The following CACNB2 variants were observed in gnomAD, a reference collection of about 807,000 sequenced individuals.
CACNB2 encodes voltage-dependent L-type calcium channel subunit beta-2.
CACNB2 carries 42 observed loss-of-function variants against 73.3 expected under a neutral mutation model. The observed-to-expected ratio is 0.57, with a 90% CI of 0.45 to 0.74. The LOEUF is 0.74. Among genes scored for constraint, CACNB2 ranks in the 30% least tolerant of loss-of-function variants. The pLI, the probability that CACNB2 is intolerant of heterozygous loss-of-function variation, is 0.00. For synonymous variants in CACNB2, 348 were observed against 310.3 expected (o/e 1.12, Z -1.28); for missense variants, 940 against 853.0 (o/e 1.10, Z -1.27).
chr10:18,358,760 G>C (rs916554521), intron 2 of CACNB2, among the ~76,000 whole-genome samples: 5 of 152,154 alleles, frequency 3.3e-5, no homozygotes, highest in African/African-American at 9.7e-5. Context: ...TGACAAAGAA[G>C]TGTGAATTGC....
intron 1 of CACNB2, chr10:18,141,292 A>G (rs2030373109): frequency 2.4e-6 from 3 of 1,268,296 alleles, no homozygotes; most frequent in Non-Finnish European, 3.4e-6. Context: ...CCACGCTCCG[A>G]GCCGGGGTGG....
chr10:18,185,788 G>T (rs933325276), intron 2 of CACNB2, among the ~76,000 whole-genome samples: 5 of 151,950 alleles, frequency 3.3e-5, no homozygotes, highest in Non-Finnish European at 5.9e-5. Flanking sequence ...TATTTATTCT[G>T]TGCCTACCAT....
intron 2 of CACNB2, among the ~76,000 whole-genome samples, chr10:18,279,791 A>T (rs775126428): frequency 2.6e-5 from 4 of 152,198 alleles, no homozygotes; most frequent in African/African-American, 9.6e-5. Context: ...ACAATTTTCC[A>T]CCCGAGAGCT....
chr10:18,500,271 A>G (rs555293809), intron 4 of CACNB2, among the ~76,000 whole-genome samples: 1 of 152,356 alleles, frequency 6.6e-6, no homozygotes, highest in East Asian at 1.9e-4. Flanking sequence ...TTTAAGATAC[A>G]TATTCCACCT....
chr10:18,185,231 A>G (rs2034095221), intron 2 of CACNB2, among the ~76,000 whole-genome samples: 1 of 152,218 alleles, frequency 6.6e-6, no homozygotes. Flanking sequence ...AAAAATTGAG[A>G]TATCATTCAT....
intron 2 of CACNB2, among the ~76,000 whole-genome samples, chr10:18,285,501 A>G (rs1049536500): frequency 6.6e-6 from 1 of 152,336 alleles, no homozygotes. Context: ...ATATCCAGCT[A>G]AGGCTTGAAT....
intron 2 of CACNB2, among the ~76,000 whole-genome samples, chr10:18,275,935 T>A (rs536094617): frequency 6.6e-6 from 1 of 152,360 alleles, no homozygotes; most frequent in Admixed American, 6.5e-5. Flanking sequence ...AATACGTTAC[T>A]TAATTGCCAC....
chr10:18,164,002 A>T (rs939520535), intron 2 of CACNB2, among the ~76,000 whole-genome samples: 1 of 152,134 alleles, frequency 6.6e-6, no homozygotes, highest in Non-Finnish European at 1.5e-5. Context: ...CTCTTCAGAG[A>T]TGTTTTGAGG....
chr10:18,519,073 A>G (rs943076987), intron 9 of CACNB2, 105 bp downstream of exon 9: 15 of 888,194 alleles, frequency 1.7e-5, no homozygotes, highest in East Asian at 9.8e-5. Context: ...TCTGATGTCT[A>G]TATGATGACA....
At chr10:18,159,374 G>A (rs2032290180) in intron 2 of CACNB2, among the ~76,000 whole-genome samples, 1 of 152,168 alleles carries the variant, frequency 6.6e-6, no homozygotes, top group Non-Finnish European at 1.5e-5. Context: ...AACTGTTTTT[G>A]GGATTTTCAA....
At chr10:18,220,552 G>A (rs932290183) in intron 2 of CACNB2, among the ~76,000 whole-genome samples, 2 of 151,760 alleles carry the variant, frequency 1.3e-5, no homozygotes, top group African/African-American at 2.4e-5. Flanking sequence ...GTGAGCCACC[G>A]CACCCAGCCT....
In CACNB2 at chr10:18,212,251, C is replaced by T. The variant is rs184080593; in HGVS notation, c.213+61276C>T. 1.8e-3 allele frequency among the ~76,000 whole-genome samples: 269 copies of T among 152,312 alleles called. 1 individual carries two copies. The highest frequency in any genetic ancestry group is 6.2e-3 in the African/African-American group (258 of 41,590). ...CATCTCAACCAGCAGCATCTGAGTT[C>T]TCATTCCCCCACATTTTATGAACTC... is the stretch of plus-strand genomic sequence containing the variant. On this transcript the variant is annotated intron_variant, in intron 2 of 13. Transcript: ENST00000324631.
chr10:18,490,840 G>A (rs551306005), intron 3 of CACNB2, among the ~76,000 whole-genome samples: 232 of 147,112 alleles, frequency 1.6e-3, no homozygotes, highest in African/African-American at 5.6e-3. Context: ...TGATAAACCC[G>A]GGCCGGTGGG....
At chr10:18,369,287 A>T (rs2042479931) in intron 2 of CACNB2, among the ~76,000 whole-genome samples, 1 of 152,190 alleles carries the variant, frequency 6.6e-6, no homozygotes, top group Non-Finnish European at 1.5e-5. Context: ...CCCGTGAATC[A>T]AATATTGTTT....
At chr10:18,349,036 C>CT (rs1210587824) in intron 2 of CACNB2, among the ~76,000 whole-genome samples, 2 of 152,174 alleles carry the variant, frequency 1.3e-5, no homozygotes, top group East Asian at 3.9e-4. Flanking sequence ...TGAGAGATCA[C>CT]TTGACTCCCG....
intron 12 of CACNB2, among the ~76,000 whole-genome samples, chr10:18,536,621 A>T (rs1044441759): frequency 6.6e-6 from 1 of 152,154 alleles, no homozygotes; most frequent in East Asian, 1.9e-4. Context: ...GAGAATCCTC[A>T]TCACTTACAG....
intron 2 of CACNB2, chr10:18,261,069 CAG>C (rs1224068934): frequency 7.4e-6 from 10 of 1,349,150 alleles, no homozygotes; most frequent in South Asian, 6.6e-5. Flanking sequence ...AAAAGACAAA[CAG>C]GGGAGAACAA....
rs554247967 is a variant in CACNB2 at position 18,326,262 on chromosome 10, AT to A, written c.214-75660del. Among the ~76,000 whole-genome samples the A allele has an allele frequency of 2.8e-3, 419 of 152,348 alleles. 2 individuals are homozygous for A. Among genetic ancestry groups the A allele is most frequent in the African/African-American group, 9.5e-3 (397 of 41,584 alleles). ...CATGCAAATATTACCTTGAGTCAAA[AT>A]TGGAATTCCAAAATGAATAATTAGT... On this transcript the variant is annotated intron_variant, in intron 2 of 13. Coordinates refer to ENST00000324631, the MANE Select transcript of CACNB2 (RefSeq NM_201596.3).
chr10:18,375,186 G>T (rs1483378344), intron 2 of CACNB2, among the ~76,000 whole-genome samples: 1 of 152,112 alleles, frequency 6.6e-6, no homozygotes, highest in Non-Finnish European at 1.5e-5. Context: ...CACTCAGCCT[G>T]AGCAACAGAG....
Sources: allele counts gnomAD v4.1 joint callset (sites outside exome capture counted in the v4.1 genomes callset), GRCh38; gene constraint gnomAD v4.1.1; transcripts MANE v1.5; gene names NCBI Gene and HGNC (gene_info 2026-07-23, HGNC 2026-07-21).